Variants in SVOP observed in about 807,000 individuals in gnomAD.
SVOP encodes SV2 related protein.
In SVOP, 17 loss-of-function variants were observed where a neutral mutation model predicts 69.1. The ratio of observed to expected loss-of-function variants is 0.25; its 90% CI spans 0.17 to 0.37. The LOEUF (loss-of-function observed/expected upper bound fraction) is 0.37. SVOP is among the 10% of genes least tolerant of loss of function. The probability of loss-of-function intolerance (pLI) is 1.00; values close to 1 mark genes in which losing one functional copy is unlikely to be tolerated. For missense variants in SVOP, 435 were observed against 597.5 expected, an observed-to-expected ratio of 0.73 and a Z score of 2.84; for synonymous variants, 238 against 238.6, an observed-to-expected ratio of 1.00 and a Z score of 0.02.
At chr12:108,947,298 T>C (rs1313544776) in intron 6 of SVOP, among the ~76,000 whole-genome samples, 1 of 152,144 alleles carries the variant, frequency 6.6e-6, no homozygotes, top group Non-Finnish European at 1.5e-5. Flanking sequence ...GGGGTGTCAC[T>C]GCTGCTGGGC....
intron 10 of SVOP, among the ~76,000 whole-genome samples, chr12:108,936,420 T>G (rs7980554): frequency 0.13 from 19,978 of 152,084 alleles, 1,567 homozygotes; most frequent in East Asian, 0.35. Flanking sequence ...TTCAATCCTT[T>G]TAAATTATAT....
chr12:108,965,878 C>A (rs1205189488), intron 5 of SVOP, among the ~76,000 whole-genome samples: 1 of 152,164 alleles, frequency 6.6e-6, no homozygotes, highest in Non-Finnish European at 1.5e-5. Flanking sequence ...TAGATAGTGA[C>A]CGCTCCATAC....
intron 1 of SVOP, among the ~76,000 whole-genome samples, chr12:108,997,770 C>A (rs1440447017): frequency 1.3e-5 from 2 of 151,778 alleles, no homozygotes; most frequent in East Asian, 1.9e-4. Context: ...AGAAGGAAAA[C>A]TAACAAACAG....
At chr12:108,916,181 A>G (rs1238133255) in intron 14 of SVOP, among the ~76,000 whole-genome samples, 3 of 152,158 alleles carry the variant, frequency 2.0e-5, no homozygotes, top group Non-Finnish European at 4.4e-5. Context: ...GTTGCTCTCT[A>G]CCTTCTTCTC....
At chr12:108,948,645 T>C (rs374494915) in intron 6 of SVOP, among the ~76,000 whole-genome samples, 1 of 152,216 alleles carries the variant, frequency 6.6e-6, no homozygotes, top group South Asian at 2.1e-4. Context: ...TGTCTTCACA[T>C]TGTTTCCTTA....
chr12:109,004,206 A>G (rs182406451), intron 1 of SVOP, among the ~76,000 whole-genome samples: 3 of 152,284 alleles, frequency 2.0e-5, no homozygotes, highest in Non-Finnish European at 4.4e-5. Context: ...CTGGCTCACA[A>G]TCTCTTGCCA....
intron 9 of SVOP, among the ~76,000 whole-genome samples, chr12:108,938,429 C>T (rs1338358940): frequency 6.6e-6 from 1 of 152,152 alleles, no homozygotes; most frequent in Non-Finnish European, 1.5e-5. Flanking sequence ...GGTTTGATCC[C>T]CTAGATCTAA....
chr12:109,007,873 AC>A (rs1172785126), intron 1 of SVOP, among the ~76,000 whole-genome samples: 1 of 152,140 alleles, frequency 6.6e-6, no homozygotes, highest in Non-Finnish European at 1.5e-5. Flanking sequence ...CCATGTCTCT[AC>A]AAAAAATTAA....
intron 1 of SVOP, among the ~76,000 whole-genome samples, chr12:109,016,530 C>T (rs964152029): frequency 6.6e-6 from 1 of 152,156 alleles, no homozygotes; most frequent in Non-Finnish European, 1.5e-5. Flanking sequence ...CATTAATGAT[C>T]TTTTGGCTGA....
intron 5 of SVOP, among the ~76,000 whole-genome samples, chr12:108,968,168 G>T (rs985366591): frequency 6.6e-6 from 1 of 152,196 alleles, no homozygotes; most frequent in Non-Finnish European, 1.5e-5. Context: ...TGGAAACAAG[G>T]AGGTCTGGTT....
chr12:108,928,698 C>T (rs1227532895), intron 11 of SVOP, among the ~76,000 whole-genome samples: 1 of 151,990 alleles, frequency 6.6e-6, no homozygotes, highest in African/African-American at 2.4e-5. Flanking sequence ...TCCCAAGTAG[C>T]TGGGAACACA....
chr12:108,920,639 G>C (rs2039743067), intron 12 of SVOP, among the ~76,000 whole-genome samples: 1 of 142,340 alleles, frequency 7.0e-6, no homozygotes, highest in South Asian at 2.2e-4. Context: ...TGTCACCCAG[G>C]GTGGGGCGCA....
chr12:108,946,851 TG>T (rs2039926725), intron 6 of SVOP, among the ~76,000 whole-genome samples: 1 of 151,952 alleles, frequency 6.6e-6, no homozygotes, highest in Non-Finnish European at 1.5e-5. Context: ...CCTGAGTAGC[TG>T]AGATTACAGT....
At chr12:108,951,057 G>T (rs747943916) in intron 6 of SVOP, among the ~76,000 whole-genome samples, 1 of 152,182 alleles carries the variant, frequency 6.6e-6, no homozygotes, top group African/African-American at 2.4e-5. Context: ...TGGATCACGT[G>T]TTTGGAAAGC....
chr12:109,018,895 C>T (rs1353652422), intron 1 of SVOP, among the ~76,000 whole-genome samples: 1 of 152,152 alleles, frequency 6.6e-6, no homozygotes, highest in Non-Finnish European at 1.5e-5. Context: ...TCACAATAAC[C>T]TTATGAATTA....
rs1048113748 is a variant in SVOP at position 108,983,758 on chromosome 12, A to C, written c.39T>G (p.Val13=). ...EDLFQLRQLP[V]VKFRRTGESA... The stretch of plus-strand genomic sequence containing the variant: ...TCTCGCCTGTGCGACGGAATTTCAC[A>C]ACCCTAGAGAACAGAACAAATCTGG... Residue 13 remains valine (V), a synonymous_variant, in exon 2 of 16, where the codon GTT becomes GTG. Transcript: ENST00000610966. The C allele has an allele frequency of 9.6e-3, 3,830 of 398,736 alleles. 34 individuals are homozygous for C. The highest frequency in any genetic ancestry group is 0.026 in the South Asian group (207 of 7,862). 24.7% of individuals were successfully genotyped at this position (398,736 alleles called of 1,614,324 possible). A position where few individuals can be genotyped will look rare whatever the true frequency, so the allele number is the denominator to read the frequency against.
intron 1 of SVOP, among the ~76,000 whole-genome samples, chr12:108,985,905 A>G (rs2040163506): frequency 6.6e-6 from 1 of 152,258 alleles, no homozygotes; most frequent in Non-Finnish European, 1.5e-5. Context: ...TCAGAAGCAC[A>G]GGGAACATAA....
At chr12:108,944,197 A>G (rs1245492937) in intron 7 of SVOP, among the ~76,000 whole-genome samples, 1 of 149,670 alleles carries the variant, frequency 6.7e-6, no homozygotes, top group Non-Finnish European at 1.5e-5. Flanking sequence ...TTTTTTTAAT[A>G]GATGGGGTCT....
intron 4 of SVOP, among the ~76,000 whole-genome samples, 184 bp downstream of exon 4, chr12:108,977,214 T>C (rs762903773): frequency 3.1e-4 from 47 of 152,194 alleles, no homozygotes; most frequent in Non-Finnish European, 6.5e-4. Context: ...TAGCTGGACC[T>C]CCGGGTGAAG....
Sources: allele counts gnomAD v4.1 joint callset (sites outside exome capture counted in the v4.1 genomes callset), GRCh38; gene constraint gnomAD v4.1.1; transcripts MANE v1.5; gene names NCBI Gene and HGNC (gene_info 2026-07-23, HGNC 2026-07-21).